IL16: variants seen among roughly 807,000 people sequenced by gnomAD.
IL16 encodes interleukin 16, also known as pro-interleukin-16.
IL16 carries 67 observed loss-of-function variants against 110.1 expected under a neutral mutation model. That is an observed-to-expected ratio of 0.61 (90% CI 0.50 to 0.75). The LOEUF (loss-of-function observed/expected upper bound fraction) is 0.75, where lower values mean the gene tolerates loss of function less well. Ranked by LOEUF, IL16 falls within the 30% of genes least tolerant of loss-of-function variation. The pLI, the probability that IL16 is intolerant of heterozygous loss-of-function variation, is 0.00. For missense variants in IL16, 1,545 were observed against 1,655.0 expected, an observed-to-expected ratio of 0.93 and a Z score of 1.15; for synonymous variants, 689 against 662.9, an observed-to-expected ratio of 1.04 and a Z score of -0.61.
At chr15:81,223,677 C>G (rs1204725342) in intron 1 of IL16, among the ~76,000 whole-genome samples, 1 of 152,312 alleles carries the variant, frequency 6.6e-6, no homozygotes, top group East Asian at 1.9e-4. Flanking sequence ...GCCTGGCACA[C>G]CATAGTGAAG....
rs750770627 is a variant in IL16, at chr15:81,292,733, C to T, written c.1598C>T (p.Pro533Leu). 8.1e-6 allele frequency: 13 copies of T among 1,614,038 alleles called. No homozygotes were observed. The highest frequency in any genetic ancestry group is 2.7e-5 in the African/African-American group (2 of 74,922). The change falls in exon 12 of 19, where the codon CCG becomes CTG. Residue 533 changes from proline (P) to leucine (L), a missense_variant. This residue lies in a region of IL16 where 1,185 missense variants were observed against 1,238.8 expected (regional missense o/e 0.96). Coordinates refer to ENST00000683961, the MANE Select transcript of IL16 (RefSeq NM_172217.5). Reference sequence around the variant, plus strand: ...CCTGGGAGTGGCAGTGCTGAGAAGCCGTCCTCTGACGTGGACATCAGCACA... The same window carrying T: ...CCTGGGAGTGGCAGTGCTGAGAAGCTGTCCTCTGACGTGGACATCAGCACA... Reference protein sequence around the residue: ...GSPGSGSAEKPSSDVDISTHS... With the variant: ...GSPGSGSAEKLSSDVDISTHS...
intron 1 of IL16, among the ~76,000 whole-genome samples, chr15:81,200,458 TCC>T (rs926732031): frequency 2.2e-4 from 33 of 152,112 alleles, no homozygotes; most frequent in Non-Finnish European, 1.6e-4. Context: ...CAGCCTTGAC[TCC>T]GTGAGCTCAG....
intron 1 of IL16, among the ~76,000 whole-genome samples, chr15:81,212,981 T>C (rs1285072747): frequency 6.6e-6 from 1 of 152,222 alleles, no homozygotes; most frequent in Admixed American, 6.5e-5. Context: ...AGGCAAATTG[T>C]TAATTTAACA....
intron 1 of IL16, among the ~76,000 whole-genome samples, chr15:81,225,055 T>C (rs1159835125): frequency 6.6e-6 from 1 of 152,136 alleles, no homozygotes; most frequent in Non-Finnish European, 1.5e-5. Context: ...CCCTTGTCTA[T>C]AGAATGAGAA....
chr15:81,233,013 A>T (rs1281799415), intron 2 of IL16, among the ~76,000 whole-genome samples: 1 of 152,180 alleles, frequency 6.6e-6, no homozygotes, highest in Non-Finnish European at 1.5e-5. Flanking sequence ...GAAAGGTTTT[A>T]AATTATCACT....
chr15:81,248,248 C>A, intron 2 of IL16, among the ~76,000 whole-genome samples: 1 of 152,090 alleles, frequency 6.6e-6, no homozygotes, highest in East Asian at 1.9e-4. Context: ...TATCTACCCA[C>A]CTATCTGTCT....
In IL16 at chr15:81,306,571, G is replaced by C. The variant is rs368154842; in HGVS notation, c.3805+26G>C. Reference sequence around the variant, plus strand: ...GTGTGGGGTGTGTCTGGTTCTTTGCGTGCTCTCCAGTTGTGGGCATGTGGC... The same window carrying C: ...GTGTGGGGTGTGTCTGGTTCTTTGCCTGCTCTCCAGTTGTGGGCATGTGGC... On this transcript the variant is annotated intron_variant, in intron 18 of 18. Transcript: ENST00000683961. 13 of 1,608,118 alleles carry C rather than the reference G, an allele frequency of 8.1e-6. No homozygotes were observed. In the African/African-American group the frequency reaches 1.7e-4, roughly 21 times the overall value.
At chr15:81,192,609 A>AAAAC (rs575230516), upstream of IL16, among the ~76,000 whole-genome samples, 51 of 152,340 alleles carry the variant, frequency 3.3e-4, no homozygotes, top group African/African-American at 9.9e-4. Flanking sequence ...TGCTGTCTCA[A>AAAAC]AAACAAACAA....
chr15:81,225,827 AAG>A, intron 2 of IL16, 116 bp downstream of exon 2: 2 of 1,024,446 alleles, frequency 2.0e-6, no homozygotes, highest in South Asian at 3.5e-5. Context: ...ATAATTCTGA[AAG>A]AGAGCAAGAA....
At chr15:81,192,168 G>A (rs557818511), upstream of IL16, among the ~76,000 whole-genome samples, 64 of 152,264 alleles carry the variant, frequency 4.2e-4, no homozygotes, top group Non-Finnish European at 6.2e-4. Context: ...ATTGTAAAAA[G>A]GTACCACGCC....
chr15:81,266,078 C>T (rs922172930), intron 4 of IL16, among the ~76,000 whole-genome samples: 1 of 152,274 alleles, frequency 6.6e-6, no homozygotes, highest in African/African-American at 2.4e-5. Context: ...GAACACGGCA[C>T]GCGGGGGGAC....
intron 1 of IL16, among the ~76,000 whole-genome samples, chr15:81,187,452 G>T (rs1342602607): frequency 6.6e-6 from 1 of 152,098 alleles, no homozygotes; most frequent in Non-Finnish European, 1.5e-5. Context: ...AAAATTTGCT[G>T]GGTGTGACGG....
intron 2 of IL16, among the ~76,000 whole-genome samples, chr15:81,250,716 G>A (rs978689034): frequency 8.5e-5 from 13 of 152,246 alleles, no homozygotes; most frequent in African/African-American, 2.9e-4. Context: ...GTATTAATTA[G>A]GGTTGCCAAC....
exon 1 of IL16, chr15:81,182,849 C>G: frequency 7.8e-7 from 1 of 1,289,196 alleles, no homozygotes; most frequent in Non-Finnish European, 1.0e-6. Context: ...TCCCTCAAAC[C>G]CTGTGCAATG....
At chr15:81,232,520 C>T (rs1897043703) in intron 2 of IL16, among the ~76,000 whole-genome samples, 1 of 152,108 alleles carries the variant, frequency 6.6e-6, no homozygotes, top group African/African-American at 2.4e-5. Context: ...CCTCTGTTCA[C>T]AATTGGCAGA....
chr15:81,221,842 G>C (rs1439863652), intron 1 of IL16, among the ~76,000 whole-genome samples: 1 of 152,132 alleles, frequency 6.6e-6, no homozygotes, highest in Non-Finnish European at 1.5e-5. Flanking sequence ...GATTCTCTTG[G>C]GAAGAGCTTG....
rs903867677 is a variant in IL16, at chr15:81,314,023, AAT to A, written c.*5227_*5228del. On this transcript the variant is annotated 3_prime_UTR_variant, in exon 19 of 19. Coordinates refer to ENST00000683961, the MANE Select transcript of IL16 (RefSeq NM_172217.5). ...TTCACAGTATTTTTTGTTTTAAAAA[AAT>A]AGTTTTTTAAAATAAAAATGTTATC... 3.3e-5 allele frequency: 5 copies of A among 152,230 alleles called. No homozygotes were observed. The highest frequency in any genetic ancestry group is 9.6e-5 in the African/African-American group (4 of 41,452). The allele number at this position is 152,230 out of a possible 1,614,324, so 9.4% of individuals were successfully genotyped here.
rs1452679254 is a variant in IL16, at chr15:81,290,452, G to A, written c.1333-1G>A. 6.2e-7 allele frequency: 1 copy of A among 1,608,982 alleles called. No individual in the cohort carries two copies. The highest frequency in any genetic ancestry group is 2.2e-5 in the East Asian group (1 of 44,542). On this transcript the variant is annotated splice_acceptor_variant, in intron 10 of 18. Coordinates refer to ENST00000683961, the MANE Select transcript of IL16 (RefSeq NM_172217.5). LOFTEE classifies it high-confidence loss of function. Reference sequence around the variant, plus strand: ...TTGAGGAGATGACTGATATTTTCTAGGTCTCTGAACAGCAACTCAAAGAAG... The same window carrying A: ...TTGAGGAGATGACTGATATTTTCTAAGTCTCTGAACAGCAACTCAAAGAAG...
chr15:81,236,154 G>C (rs1321336127), intron 2 of IL16, among the ~76,000 whole-genome samples: 1 of 152,236 alleles, frequency 6.6e-6, no homozygotes, highest in African/African-American at 2.4e-5. Flanking sequence ...TCAGTCGTCT[G>C]AATCTCTGGC....
Sources: allele counts gnomAD v4.1 joint callset (sites outside exome capture counted in the v4.1 genomes callset), GRCh38; gene constraint gnomAD v4.1.1; regional missense constraint gnomAD v4.1.1; transcripts MANE v1.5; gene names NCBI Gene and HGNC (gene_info 2026-07-23, HGNC 2026-07-21).